KLHL18: variants seen among roughly 807,000 people sequenced by gnomAD.
The protein encoded by KLHL18 is kelch-like protein 18.
In KLHL18, 38 loss-of-function variants were observed where a neutral mutation model predicts 58.5. The ratio of observed to expected loss-of-function variants is 0.65; its 90% CI spans 0.50 to 0.85. The LOEUF is 0.85. KLHL18 is among the 40% of genes least tolerant of loss of function. The pLI is 0.00. For synonymous variants in KLHL18, 303 were observed against 301.9 expected, an observed-to-expected ratio of 1.00 and a Z score of -0.04; for missense variants, 624 against 778.4, an observed-to-expected ratio of 0.80 and a Z score of 2.36.
At chr3:47,338,286 A>C (rs1285494688) in intron 7 of KLHL18, 1 of 152,122 alleles carries the variant, frequency 6.6e-6, no homozygotes, top group Admixed American at 6.5e-5. Context: ...AATCTCATGC[A>C]GTTTTGGGGC....
chr3:47,336,056 A>C (rs1051829597), intron 6 of KLHL18, among the ~76,000 whole-genome samples: 11 of 152,152 alleles, frequency 7.2e-5, no homozygotes, highest in Non-Finnish European at 1.3e-4. Flanking sequence ...ATTGAGCGCA[A>C]AGTTTATTCT....
chr3:47,334,897 C>A lies in KLHL18; in HGVS notation c.898+78C>A. ...AAGCACCAGACAAATTAGCCTGGCC[C>A]TTCTGGTTTCTCTGTTTTGTACTGT... is the stretch of plus-strand genomic sequence containing the variant. On this transcript the variant is annotated intron_variant, in intron 6 of 9. Transcript: ENST00000232766. This position sits in a 1 kb window ranked among gnomAD's most constrained non-coding sequence, Gnocchi z 4.7. 6.9e-7 allele frequency: 1 copy of A among 1,456,688 alleles called. No individual in the cohort carries two copies. Among genetic ancestry groups the A allele is most frequent in the East Asian group, 2.5e-5 (1 of 40,132 alleles). 90.2% of individuals were successfully genotyped at this position (1,456,688 alleles called of 1,614,324 possible).
intron 1 of KLHL18, among the ~76,000 whole-genome samples, chr3:47,302,897 T>C (rs1444383764): frequency 2.0e-5 from 3 of 152,240 alleles, no homozygotes. Context: ...ATTTGTTTTC[T>C]GGCACTGCTT....
At position 47,343,935 on chromosome 3, in the gene KLHL18, C is replaced by T. The variant is rs1327337701; in HGVS notation, c.1719C>T (p.Thr573=). 4 of 1,613,122 alleles carry T rather than the reference C, an allele frequency of 2.5e-6. No homozygotes were observed. In the South Asian group the frequency reaches 4.4e-5, roughly 18 times the overall value. Residue 573 remains threonine (T), a synonymous_variant, in exon 10 of 10, where the codon ACC becomes ACT. Coordinates refer to ENST00000232766, the MANE Select transcript of KLHL18 (RefSeq NM_025010.5). ...GVGVGCIPLL[T]I The stretch of plus-strand genomic sequence containing the variant: ...GTGTGGGCTGCATCCCTCTCCTCAC[C>T]ATCTAAGGCAGAGGATGGGATGTGG...
At chr3:47,292,846 G>T (rs1463185475) in intron 1 of KLHL18, among the ~76,000 whole-genome samples, 1 of 150,482 alleles carries the variant, frequency 6.6e-6, no homozygotes, top group African/African-American at 2.5e-5. Context: ...GGTCAAGGCT[G>T]CAGTGAGCCA....
chr3:47,304,999 T>A (rs1446341099), intron 1 of KLHL18, among the ~76,000 whole-genome samples: 2 of 150,640 alleles, frequency 1.3e-5, no homozygotes, highest in Admixed American at 6.6e-5. Flanking sequence ...ACTCTTAACT[T>A]GGGTGACAGA....
At chr3:47,340,785 C>T in intron 8 of KLHL18, 109 bp downstream of exon 8, 1 of 1,242,996 alleles carries the variant, frequency 8.0e-7, no homozygotes, top group Non-Finnish European at 1.1e-6. Flanking sequence ...GAATGTCTTA[C>T]CTTTTTGCCC....
chr3:47,341,503 T>TC (rs1704107954), intron 8 of KLHL18, among the ~76,000 whole-genome samples: 1 of 152,084 alleles, frequency 6.6e-6, no homozygotes, highest in Admixed American at 6.6e-5. Flanking sequence ...ACCTTCATCT[T>TC]CCCCAGGGTT....
chr3:47,294,733 T>C (rs1038246946), intron 1 of KLHL18, among the ~76,000 whole-genome samples: 3 of 152,206 alleles, frequency 2.0e-5, no homozygotes, highest in Non-Finnish European at 4.4e-5. Context: ...TCAATAATTA[T>C]GTATTTATGA....
intron 3 of KLHL18, among the ~76,000 whole-genome samples, chr3:47,327,591 A>C (rs927525495): frequency 1.3e-5 from 2 of 152,252 alleles, no homozygotes; most frequent in Non-Finnish European, 2.9e-5. Flanking sequence ...GGCATTTGAC[A>C]GATGACTGAG....
chr3:47,331,982 G>C (rs1180081880), intron 4 of KLHL18, among the ~76,000 whole-genome samples: 1 of 152,192 alleles, frequency 6.6e-6, no homozygotes, highest in African/African-American at 2.4e-5. Flanking sequence ...CGGGGGACAG[G>C]TAGATTCTTA....
At chr3:47,340,516 G>GA (rs1289832503) in intron 7 of KLHL18, 56 bp from the exon 8 acceptor site, 1 of 1,611,828 alleles carries the variant, frequency 6.2e-7, no homozygotes, top group Non-Finnish European at 8.5e-7. Context: ...GTGGGCAAGA[G>GA]AGGCTGCTCC....
At chr3:47,308,581 G>C (rs929788494) in intron 1 of KLHL18, among the ~76,000 whole-genome samples, 6 of 152,116 alleles carry the variant, frequency 3.9e-5, no homozygotes, top group Non-Finnish European at 4.4e-5. Context: ...AGTAGAGACG[G>C]GGTTTCACCA....
At chr3:47,302,673 C>G (rs1559489693) in intron 1 of KLHL18, among the ~76,000 whole-genome samples, 1 of 151,930 alleles carries the variant, frequency 6.6e-6, no homozygotes, top group Non-Finnish European at 1.5e-5. Context: ...TACAAGTGGA[C>G]CTACACAGTT....
chr3:47,287,894 T>G (rs1474976763), intron 1 of KLHL18, among the ~76,000 whole-genome samples: 1 of 152,180 alleles, frequency 6.6e-6, no homozygotes, highest in African/African-American at 2.4e-5. Context: ...TGTTGAACTT[T>G]GAATGATTTT....
chr3:47,293,494 T>C (rs938112515), intron 1 of KLHL18, among the ~76,000 whole-genome samples: 1 of 152,204 alleles, frequency 6.6e-6, no homozygotes, highest in African/African-American at 2.4e-5. Context: ...AAGAGTCAAA[T>C]TGTATTAGTT....
chr3:47,291,149 A>G lies in KLHL18; in HGVS notation c.129+8055A>G, dbSNP rs918037087. On this transcript the variant is annotated intron_variant, in intron 1 of 9. Coordinates refer to ENST00000232766, the MANE Select transcript of KLHL18 (RefSeq NM_025010.5). ...TTTATTATTCTGTACATGAGACTCC[A>G]TTGTTTGCCCCTTAGCCCCACTTGG... is the stretch of plus-strand genomic sequence containing the variant. Among the ~76,000 whole-genome samples the G allele has an allele frequency of 4.6e-5, 7 of 152,266 alleles. No homozygotes were observed. In the South Asian group the frequency reaches 8.3e-4, roughly 18 times the overall value.
chr3:47,326,885 C>G (rs1703735799), intron 3 of KLHL18, among the ~76,000 whole-genome samples: 1 of 151,138 alleles, frequency 6.6e-6, no homozygotes, highest in Non-Finnish European at 1.5e-5. Flanking sequence ...CGTGCCATTG[C>G]ACTCCAGCCT....
At chr3:47,300,116 T>G (rs192130850) in intron 1 of KLHL18, among the ~76,000 whole-genome samples, 2 of 150,834 alleles carry the variant, frequency 1.3e-5, no homozygotes, top group Admixed American at 1.3e-4. Flanking sequence ...CCTTCTTCCC[T>G]CCCGCTGTCT....
Sources: gnomAD v4.1 joint callset for allele counts (sites outside exome capture counted in the v4.1 genomes callset) on GRCh38, gnomAD v4.1.1 for gene constraint, Gnocchi (gnomAD v3.1) non-coding constraint, MANE v1.5 for transcripts, NCBI Gene and HGNC (gene_info 2026-07-23, HGNC 2026-07-21) for gene names.